Variants in APBA2 observed in about 807,000 individuals in gnomAD.
The protein encoded by APBA2 is amyloid-beta A4 precursor protein-binding family A member 2.
APBA2 carries 30 observed loss-of-function variants against 75.0 expected under a neutral mutation model. The ratio of observed to expected loss-of-function variants is 0.40; its 90% CI spans 0.30 to 0.54. APBA2 has a LOEUF of 0.54. Among genes scored for constraint, APBA2 ranks in the 20% least tolerant of loss-of-function variants. The pLI, the probability that APBA2 is intolerant of heterozygous loss-of-function variation, is 0.49. For synonymous variants in APBA2, 444 were observed against 409.6 expected (o/e 1.08, Z -1.01); for missense variants, 801 against 1,016.1 (o/e 0.79, Z 2.88).
chr15:29,062,271 G>A (rs944579379), intron 4 of APBA2, among the ~76,000 whole-genome samples: 1 of 152,160 alleles, frequency 6.6e-6, no homozygotes, highest in Non-Finnish European at 1.5e-5. Context: ...GAGGCTGCAC[G>A]GGAGGGTTCT....
intron 2 of APBA2, among the ~76,000 whole-genome samples, chr15:28,943,300 C>T (rs2035341236): frequency 6.6e-6 from 1 of 152,202 alleles, no homozygotes; most frequent in African/African-American, 2.4e-5. Context: ...TGACACGGTC[C>T]CCTCTGCTCA....
At chr15:28,913,390 G>A (rs562584478) in intron 1 of APBA2, among the ~76,000 whole-genome samples, 26 of 152,258 alleles carry the variant, frequency 1.7e-4, no homozygotes, top group Non-Finnish European at 3.2e-4. Context: ...TGCACCTGCC[G>A]CCTTGTTCCA....
chr15:29,102,006 A>G, intron 10 of APBA2: 1 of 606,556 alleles, frequency 1.6e-6, no homozygotes, highest in Middle Eastern at 3.5e-4. Context: ...GCTGTTTATA[A>G]ATTGAGTTGT....
intron 4 of APBA2, among the ~76,000 whole-genome samples, chr15:29,072,974 C>T (rs528203085): frequency 1.3e-5 from 2 of 152,264 alleles, no homozygotes; most frequent in East Asian, 1.9e-4. Context: ...GCCCGGTGCC[C>T]GCTCCCCTGC....
intron 8 of APBA2, among the ~76,000 whole-genome samples, chr15:29,095,385 A>G (rs2087536): frequency 0.99 from 151,344 of 152,202 alleles, 75,248 homozygotes; most frequent in Middle Eastern, 1. Context: ...AGCCGAGATC[A>G]TGCCATTGCA....
intron 2 of APBA2, among the ~76,000 whole-genome samples, chr15:28,975,261 T>C (rs1040936626): frequency 4.6e-5 from 7 of 152,222 alleles, no homozygotes; most frequent in African/African-American, 1.4e-4. Context: ...AGGAGAATTC[T>C]ATCAAATCTT....
intron 1 of APBA2, among the ~76,000 whole-genome samples, chr15:28,888,137 A>G (rs1456260801): frequency 6.6e-6 from 1 of 152,158 alleles, no homozygotes; most frequent in African/African-American, 2.4e-5. Flanking sequence ...AAGTAGTTCT[A>G]ACCTCTTTTT....
chr15:29,091,367 AAGG>A (rs2152949375), intron 6 of APBA2, among the ~76,000 whole-genome samples: 1 of 152,188 alleles, frequency 6.6e-6, no homozygotes, highest in South Asian at 2.1e-4. Context: ...GGAAAGCAGG[AAGG>A]AGGGCCAAGT....
chr15:29,032,380 G>A (rs983963369), intron 3 of APBA2, among the ~76,000 whole-genome samples: 3 of 152,236 alleles, frequency 2.0e-5, no homozygotes, highest in Non-Finnish European at 4.4e-5. Flanking sequence ...GAGGTTCCCC[G>A]AAGGGGAAGG....
intron 2 of APBA2, among the ~76,000 whole-genome samples, chr15:28,966,046 C>T (rs2036720688): frequency 1.3e-5 from 2 of 151,966 alleles, no homozygotes; most frequent in African/African-American, 2.4e-5. Flanking sequence ...AGTTGGAGTC[C>T]ATTTTGGTCA....
At position 28,976,622 on chromosome 15, in the gene APBA2, C is replaced by T. The variant is rs565011613; in HGVS notation, c.-94-19131C>T. 5.5e-4 allele frequency among the ~76,000 whole-genome samples: 83 copies of T among 152,242 alleles called. 4 individuals are homozygous for T. In the South Asian group the frequency reaches 0.016, roughly 30 times the overall value. On this transcript the variant is annotated intron_variant, in intron 2 of 14. Coordinates refer to ENST00000683413, the MANE Select transcript of APBA2 (RefSeq NM_001353788.2). ...GTTAATGTGATGAATTATGTGATTG[C>T]GACAATAGCTTTTCTAATATTACAC...
chr15:28,917,984 C>G (rs1478084743), intron 1 of APBA2, among the ~76,000 whole-genome samples: 1 of 152,212 alleles, frequency 6.6e-6, no homozygotes, highest in Non-Finnish European at 1.5e-5. Flanking sequence ...CCTGCCTACC[C>G]CAGCTCAGCT....
chr15:29,115,701 G>A (rs1323592655), intron 14 of APBA2, among the ~76,000 whole-genome samples: 1 of 152,176 alleles, frequency 6.6e-6, no homozygotes, highest in African/African-American at 2.4e-5. Flanking sequence ...AGGGGCCTCG[G>A]GGTGGGTTTC....
chr15:28,959,029 G>A (rs1449832842), intron 2 of APBA2, among the ~76,000 whole-genome samples: 8 of 151,972 alleles, frequency 5.3e-5, no homozygotes, highest in East Asian at 1.9e-4. Flanking sequence ...TCCCTCTGTC[G>A]CCAGGCTGGA....
In APBA2 at chr15:29,059,612, A is replaced by G. The variant is rs759861139; in HGVS notation, c.951+4777A>G. ...ATAATTAATTATTTATAAGAAATCT[A>G]TATTAAACAAGGTGCGTATAAACAG... On this transcript the variant is annotated intron_variant, in intron 4 of 14. Coordinates refer to ENST00000683413, the MANE Select transcript of APBA2 (RefSeq NM_001353788.2). Among the ~76,000 whole-genome samples the G allele has an allele frequency of 1.4e-3, 210 of 152,310 alleles. 1 individual carries two copies. Among genetic ancestry groups the G allele is most frequent in the Middle Eastern group, 3.4e-3 (1 of 294 alleles).
intron 2 of APBA2, among the ~76,000 whole-genome samples, chr15:28,983,683 T>C (rs761190880): frequency 6.6e-6 from 1 of 151,960 alleles, no homozygotes; most frequent in African/African-American, 2.4e-5. Context: ...TCAGAGTGGG[T>C]TGGAGAGACC....
chr15:29,117,233 C>A lies in APBA2; in HGVS notation c.*100C>A. On this transcript the variant is annotated 3_prime_UTR_variant, in exon 15 of 15. Transcript: ENST00000683413. ...GCAGACTTGACCCCGACGCCACAGC[C>A]CAGCCACGGACGCTGGCTCCCCAAA... The A allele has an allele frequency of 8.6e-7, 1 of 1,160,456 alleles. No individual in the cohort carries two copies. Among genetic ancestry groups the A allele is most frequent in the Non-Finnish European group, 1.3e-6 (1 of 776,758 alleles). The allele number at this position is 1,160,456 out of a possible 1,614,324, so 71.9% of individuals were successfully genotyped here.
intron 2 of APBA2, among the ~76,000 whole-genome samples, chr15:28,956,159 A>G (rs555983639): frequency 6.6e-6 from 1 of 152,218 alleles, no homozygotes; most frequent in South Asian, 2.1e-4. Context: ...GCAGCCTGCT[A>G]TGTGCTGTGG....
intron 3 of APBA2, among the ~76,000 whole-genome samples, chr15:29,043,914 C>T (rs57797296): frequency 0.18 from 27,673 of 152,104 alleles, 3,018 homozygotes; most frequent in East Asian, 0.45. Flanking sequence ...AATACTTATT[C>T]GGTGACTTTT....
Sources: allele counts gnomAD v4.1 joint callset (sites outside exome capture counted in the v4.1 genomes callset), GRCh38; gene constraint gnomAD v4.1.1; transcripts MANE v1.5; gene names NCBI Gene and HGNC (gene_info 2026-07-23, HGNC 2026-07-21).